Variants in EDIL3 observed in about 807,000 individuals in gnomAD.
The protein encoded by EDIL3 is EGF-like repeat and discoidin I-like domain-containing protein 3.
EDIL3 carries 37 observed loss-of-function variants against 67.4 expected under a neutral mutation model. The observed-to-expected ratio is 0.55, with a 90% CI of 0.42 to 0.72. EDIL3 has a LOEUF of 0.72. Ranked by LOEUF, EDIL3 falls within the 30% of genes least tolerant of loss-of-function variation. The probability of loss-of-function intolerance (pLI) is 0.00; values close to 1 mark genes in which losing one functional copy is unlikely to be tolerated. For synonymous variants in EDIL3, 195 were observed against 196.3 expected (o/e 0.99, Z 0.05); for missense variants, 527 against 586.3 (o/e 0.90, Z 1.04).
At chr5:84,371,557 C>A in intron 1 of EDIL3, among the ~76,000 whole-genome samples, 1 of 146,400 alleles carries the variant, frequency 6.8e-6, no homozygotes, top group Non-Finnish European at 1.5e-5. Flanking sequence ...ATAAAAAAAG[C>A]TAAGGGCAGA....
At chr5:84,343,821 T>C (rs971338666) in intron 1 of EDIL3, among the ~76,000 whole-genome samples, 6 of 152,124 alleles carry the variant, frequency 3.9e-5, no homozygotes, top group African/African-American at 1.2e-4. Context: ...TGCACTTCTC[T>C]GCTACAGAAG....
chr5:84,272,488 C>G (rs2112097918), intron 1 of EDIL3, among the ~76,000 whole-genome samples: 1 of 151,990 alleles, frequency 6.6e-6, no homozygotes, highest in South Asian at 2.1e-4. Context: ...TCCTATGTAC[C>G]AGGAAGCATA....
At chr5:84,200,907 G>A (rs1401386051) in intron 3 of EDIL3, among the ~76,000 whole-genome samples, 3 of 151,992 alleles carry the variant, frequency 2.0e-5, no homozygotes, top group Non-Finnish European at 4.4e-5. Flanking sequence ...TCACAGGAAA[G>A]CCTAAGAAAA....
chr5:84,030,874 G>A (rs1449120824), intron 9 of EDIL3, among the ~76,000 whole-genome samples: 1 of 152,122 alleles, frequency 6.6e-6, no homozygotes, highest in Non-Finnish European at 1.5e-5. Flanking sequence ...TTGTACTAGT[G>A]TGCTAGGGCT....
Position 84,117,030 on chromosome 5 carries a change from T to A in EDIL3, c.470-10200A>T, listed in dbSNP as rs1244531929. ...CCAAGTTAAGTACTTATTTTTTTTTTTTTTTTTTTTTTTTTGAGACGGAGT... is the reference window on the plus strand; with the variant it reads ...CCAAGTTAAGTACTTATTTTTTTTTATTTTTTTTTTTTTTTGAGACGGAGT... On this transcript the variant is annotated intron_variant, in intron 5 of 10. Transcript: ENST00000296591. 1.1e-4 allele frequency among the ~76,000 whole-genome samples: 15 copies of A among 132,750 alleles called. 2 individuals are homozygous for A. Among genetic ancestry groups the A allele is most frequent in the African/African-American group, 4.5e-4 (15 of 33,526 alleles). The allele number at this position is 132,750 out of a possible 152,430, so 87.1% of individuals were successfully genotyped here. A position where few individuals can be genotyped will look rare whatever the true frequency, so the allele number is the denominator to read the frequency against.
At chr5:84,220,426 A>G (rs1744319344) in intron 3 of EDIL3, among the ~76,000 whole-genome samples, 2 of 152,202 alleles carry the variant, frequency 1.3e-5, no homozygotes, top group African/African-American at 2.4e-5. Flanking sequence ...AAATTTTAGT[A>G]TTATTGAGAT....
chr5:84,312,485 ACAGGGCGGCTGG>A (rs1746424028), intron 1 of EDIL3, among the ~76,000 whole-genome samples: 1 of 142,586 alleles, frequency 7.0e-6, no homozygotes. Flanking sequence ...CACCTCCCGG[ACAGGGCGGCTGG>A]CCGGGCAGGG....
At chr5:84,049,970 C>T (rs982063199) in intron 9 of EDIL3, among the ~76,000 whole-genome samples, 5 of 151,832 alleles carry the variant, frequency 3.3e-5, no homozygotes, top group African/African-American at 7.3e-5. Context: ...GAGGCCGAGA[C>T]GGGTGGATCA....
intron 1 of EDIL3, among the ~76,000 whole-genome samples, chr5:84,300,996 G>A (rs144154966): frequency 2.8e-4 from 42 of 152,136 alleles, no homozygotes; most frequent in Admixed American, 8.5e-4. Context: ...TCAGCTGGGC[G>A]CAGTGGCTCA....
intron 9 of EDIL3, among the ~76,000 whole-genome samples, chr5:83,965,641 C>T (rs149546095): frequency 1.6e-4 from 24 of 152,080 alleles, no homozygotes; most frequent in East Asian, 7.8e-4. Flanking sequence ...CCCTTTTCTG[C>T]GGTACTTTTA....
intron 10 of EDIL3, among the ~76,000 whole-genome samples, chr5:83,959,206 T>C (rs1300656347): frequency 6.8e-6 from 1 of 147,814 alleles, no homozygotes; most frequent in East Asian, 2.0e-4. Flanking sequence ...TGTATATATA[T>C]ATATACATTA....
chr5:84,014,956 A>G (rs986482465), intron 9 of EDIL3, among the ~76,000 whole-genome samples: 3 of 152,190 alleles, frequency 2.0e-5, no homozygotes, highest in Non-Finnish European at 4.4e-5. Flanking sequence ...GAAACAAAAG[A>G]AGGTTGGACA....
intron 3 of EDIL3, among the ~76,000 whole-genome samples, chr5:84,227,948 G>T (rs957903212): frequency 4.6e-5 from 7 of 151,958 alleles, no homozygotes; most frequent in Admixed American, 1.3e-4. Context: ...GAGGGTGTAG[G>T]TTGAAAATCT....
chr5:84,265,490 T>C (rs938010197), intron 1 of EDIL3, among the ~76,000 whole-genome samples: 3 of 152,236 alleles, frequency 2.0e-5, no homozygotes, highest in Non-Finnish European at 2.9e-5. Context: ...AATCATATTT[T>C]AAAAGTCAGG....
At chr5:83,977,557 T>A (rs1744896191) in intron 9 of EDIL3, among the ~76,000 whole-genome samples, 1 of 151,824 alleles carries the variant, frequency 6.6e-6, no homozygotes, top group South Asian at 2.1e-4. Flanking sequence ...TAATTCAATA[T>A]CTTTAATTAT....
intron 10 of EDIL3, among the ~76,000 whole-genome samples, chr5:83,956,736 T>C (rs902730433): frequency 6.6e-6 from 1 of 151,718 alleles, no homozygotes; most frequent in Non-Finnish European, 1.5e-5. Flanking sequence ...GAGAAACTTC[T>C]GAATAACAGT....
intron 9 of EDIL3, among the ~76,000 whole-genome samples, chr5:83,993,374 C>T (rs926836496): frequency 1.1e-4 from 16 of 152,050 alleles, no homozygotes; most frequent in Non-Finnish European, 2.4e-4. Context: ...AGGCATGCTC[C>T]CTTTGTTGAA....
At chr5:84,150,636 G>C (rs1312848012) in intron 4 of EDIL3, among the ~76,000 whole-genome samples, 1 of 152,162 alleles carries the variant, frequency 6.6e-6, no homozygotes, top group African/African-American at 2.4e-5. Flanking sequence ...GATGGTGTTG[G>C]TGAGGATGTG....
In EDIL3 at chr5:84,305,595, A is replaced by G. The variant is rs148660722; in HGVS notation, c.68-51383T>C. On this transcript the variant is annotated intron_variant, in intron 1 of 10. Coordinates refer to ENST00000296591, the MANE Select transcript of EDIL3 (RefSeq NM_005711.5). ...ATCAGTTAAAAATTAACTTTAAGAT[A>G]CAGGCCGAGTGCGGTGGCTCACGCC... 2.6e-4 allele frequency among the ~76,000 whole-genome samples: 39 copies of G among 152,340 alleles called. No homozygotes were observed. The East Asian group carries it at 6.2e-3, about 24-fold the overall frequency.
Sources: gnomAD v4.1 joint callset for allele counts (sites outside exome capture counted in the v4.1 genomes callset) on GRCh38, gnomAD v4.1.1 for gene constraint, MANE v1.5 for transcripts, NCBI Gene and HGNC (gene_info 2026-07-23, HGNC 2026-07-21) for gene names.